Variants in IGF2BP3 observed in about 807,000 individuals in gnomAD.
IGF2BP3 encodes insulin-like growth factor 2 mRNA-binding protein 3.
In IGF2BP3, 9 loss-of-function variants were observed where a neutral mutation model predicts 73.8. The observed-to-expected ratio is 0.12, with a 90% CI of 0.07 to 0.21. The LOEUF (loss-of-function observed/expected upper bound fraction) is 0.21, where lower values mean the gene tolerates loss of function less well. Among genes scored for constraint, IGF2BP3 ranks in the 10% least tolerant of loss-of-function variants. IGF2BP3 has a pLI of 1.00. For synonymous variants in IGF2BP3, 258 were observed against 256.7 expected (o/e 1.01, Z -0.05); for missense variants, 542 against 714.0 (o/e 0.76, Z 2.75).
intron 11 of IGF2BP3, 23 bp downstream of exon 11, chr7:23,319,115 A>G (rs1421705921): frequency 7.0e-7 from 1 of 1,426,796 alleles, no homozygotes; most frequent in Admixed American, 1.9e-5. Flanking sequence ...AGAACCAGAG[A>G]ACCACAGCTG....
intron 3 of IGF2BP3, among the ~76,000 whole-genome samples, chr7:23,411,466 C>A (rs1215588751): frequency 3.3e-5 from 5 of 152,184 alleles, no homozygotes; most frequent in Non-Finnish European, 7.3e-5. Context: ...CCTGTAATCC[C>A]AGCTACTCAG....
At chr7:23,317,783 C>G (rs996601033) in intron 11 of IGF2BP3, 70 bp from the exon 12 acceptor site, 1 of 1,222,764 alleles carries the variant, frequency 8.2e-7, no homozygotes, top group Non-Finnish European at 1.2e-6. Context: ...GCCAACCAGC[C>G]TAACATTTGC....
At chr7:23,436,876 G>A (rs1787818962) in intron 2 of IGF2BP3, among the ~76,000 whole-genome samples, 1 of 152,206 alleles carries the variant, frequency 6.6e-6, no homozygotes. Context: ...AGCACTTTGG[G>A]AGGCCAAGGC....
chr7:23,418,901 A>T (rs939312056), intron 2 of IGF2BP3, 77 bp from the exon 3 acceptor site: 2 of 881,260 alleles, frequency 2.3e-6, no homozygotes, highest in African/African-American at 3.4e-5. Flanking sequence ...GGAAGTTTAG[A>T]AACTACTTAA....
chr7:23,335,996 A>G (rs914349720), intron 10 of IGF2BP3, among the ~76,000 whole-genome samples: 1 of 152,206 alleles, frequency 6.6e-6, no homozygotes, highest in African/African-American at 2.4e-5. Context: ...GGGGAGACTC[A>G]ACCTGGCAAG....
At chr7:23,407,053 G>T (rs1786854341) in intron 3 of IGF2BP3, among the ~76,000 whole-genome samples, 1 of 151,884 alleles carries the variant, frequency 6.6e-6, no homozygotes, top group Non-Finnish European at 1.5e-5. Context: ...AAGATTTTAA[G>T]AGAGAGAACA....
At chr7:23,403,060 T>C (rs1015425412) in intron 3 of IGF2BP3, among the ~76,000 whole-genome samples, 16 of 152,224 alleles carry the variant, frequency 1.1e-4, no homozygotes, top group Non-Finnish European at 2.9e-5. Flanking sequence ...TTGAAGGTCC[T>C]TGATATTCAG....
At position 23,469,818 on chromosome 7, in the gene IGF2BP3, G is replaced by A. The variant is rs1005991231; in HGVS notation, c.175+118C>T. 1.3e-5 allele frequency: 7 copies of A among 534,894 alleles called. No homozygotes were observed. The South Asian group carries it at 5.2e-4, about 40-fold the overall frequency. The allele number at this position is 534,894 out of a possible 1,614,324, so 33.1% of individuals were successfully genotyped here. Reference sequence around the variant, plus strand: ...CCACGCGCGTGGGTGTGGGCGCTCAGGCCTCACCCCCGCTCCCCCAGCGCG... The same window carrying A: ...CCACGCGCGTGGGTGTGGGCGCTCAAGCCTCACCCCCGCTCCCCCAGCGCG... On this transcript the variant is annotated intron_variant, in intron 1 of 14. Transcript: ENST00000258729. The surrounding 1 kb of genome is among the most constrained non-coding windows in gnomAD (Gnocchi z 6.1).
chr7:23,423,129 A>T (rs1041578093), intron 2 of IGF2BP3, among the ~76,000 whole-genome samples: 3 of 152,168 alleles, frequency 2.0e-5, no homozygotes, highest in Non-Finnish European at 2.9e-5. Flanking sequence ...TCAGTAACTA[A>T]TCTTAAACTG....
intron 3 of IGF2BP3, among the ~76,000 whole-genome samples, chr7:23,399,289 T>C (rs889975715): frequency 4.6e-5 from 7 of 151,890 alleles, no homozygotes; most frequent in Non-Finnish European, 1.0e-4. Context: ...TGGTACCAAA[T>C]GCTAAATGAC....
chr7:23,319,984 C>T (rs911284293), intron 10 of IGF2BP3, among the ~76,000 whole-genome samples: 2 of 152,040 alleles, frequency 1.3e-5, no homozygotes, highest in African/African-American at 4.8e-5. Context: ...GATCTCGGCT[C>T]ACTGCAACCT....
chr7:23,401,214 A>C (rs1786651790), intron 3 of IGF2BP3, among the ~76,000 whole-genome samples: 1 of 152,200 alleles, frequency 6.6e-6, no homozygotes, highest in Non-Finnish European at 1.5e-5. Context: ...AGATTCAGTC[A>C]CTGTGGCCGA....
chr7:23,443,106 T>C (rs1168313536), intron 2 of IGF2BP3, among the ~76,000 whole-genome samples: 1 of 121,380 alleles, frequency 8.2e-6, no homozygotes, highest in African/African-American at 4.0e-5. Context: ...ACAGTGATTT[T>C]TTTTTTTTTT....
intron 2 of IGF2BP3, among the ~76,000 whole-genome samples, chr7:23,436,220 A>C (rs970784719): frequency 6.6e-6 from 1 of 152,248 alleles, no homozygotes; most frequent in Admixed American, 6.5e-5. Flanking sequence ...GAAAATTGGA[A>C]TATTTAATAC....
chr7:23,328,174 C>T (rs551290319), intron 10 of IGF2BP3, among the ~76,000 whole-genome samples: 2 of 152,262 alleles, frequency 1.3e-5, no homozygotes, highest in Non-Finnish European at 2.9e-5. Flanking sequence ...CTACTATCAT[C>T]TTAAATCTTT....
chr7:23,380,155 CTCTTTT>C (rs1785861213), intron 3 of IGF2BP3, among the ~76,000 whole-genome samples: 1 of 133,652 alleles, frequency 7.5e-6, no homozygotes, highest in African/African-American at 3.0e-5. Flanking sequence ...CCCACTATGC[CTCTTTT>C]TTTTTTTTTT....
chr7:23,386,043 T>A (rs2128519206), intron 3 of IGF2BP3, among the ~76,000 whole-genome samples: 1 of 152,350 alleles, frequency 6.6e-6, no homozygotes, highest in Non-Finnish European at 1.5e-5. Flanking sequence ...AAGATTTGTT[T>A]CAAATTATCT....
At chr7:23,312,707 AC>A in intron 14 of IGF2BP3, 27 bp downstream of exon 14, 1 of 1,460,520 alleles carries the variant, frequency 6.8e-7, no homozygotes, top group African/African-American at 1.4e-5. Context: ...TGAGAAAGAT[AC>A]AATAGCTTAT....
chr7:23,453,823 T>C (rs1354901148), intron 2 of IGF2BP3, among the ~76,000 whole-genome samples: 1 of 152,146 alleles, frequency 6.6e-6, no homozygotes. Flanking sequence ...TAATAACTAG[T>C]TAGACAAGGG....
Sources: allele counts gnomAD v4.1 joint callset (sites outside exome capture counted in the v4.1 genomes callset), GRCh38; gene constraint gnomAD v4.1.1; non-coding constraint Gnocchi (gnomAD v3.1); transcripts MANE v1.5; gene names NCBI Gene and HGNC (gene_info 2026-07-23, HGNC 2026-07-21).